Variants in PHF24 observed in about 807,000 individuals in gnomAD.
The protein encoded by PHF24 is PHD finger protein 24.
A neutral mutation model predicts 42.6 loss-of-function variants in PHF24; 25 were observed. The ratio of observed to expected loss-of-function variants is 0.59; its 90% CI spans 0.43 to 0.82. PHF24 has a LOEUF of 0.82. Ranked by LOEUF, PHF24 falls within the 40% of genes least tolerant of loss-of-function variation. The probability of loss-of-function intolerance (pLI) is 0.00; values close to 1 mark genes in which losing one functional copy is unlikely to be tolerated. For synonymous variants in PHF24, 185 were observed against 204.8 expected (o/e 0.90, Z 0.83); for missense variants, 470 against 538.1 (o/e 0.87, Z 1.25).
the PHF24 span, among the ~76,000 whole-genome samples, chr9:34,826,184 C>A: frequency 6.6e-6 from 1 of 152,296 alleles, no homozygotes; most frequent in Non-Finnish European, 1.5e-5. Flanking sequence ...CTCACTGTCT[C>A]CGGGCATGAG....
At chr9:34,764,396 G>A in the PHF24 span, among the ~76,000 whole-genome samples, 2 of 152,268 alleles carry the variant, frequency 1.3e-5, no homozygotes, top group Non-Finnish European at 1.5e-5. Flanking sequence ...GGTCTATTCA[G>A]AGAGTCAACT....
chr9:34,684,678 G>A, the PHF24 span, among the ~76,000 whole-genome samples: 2 of 152,194 alleles, frequency 1.3e-5, no homozygotes, highest in African/African-American at 2.4e-5. Flanking sequence ...GCTTCCTCTT[G>A]GGAGAGGACC....
the PHF24 span, among the ~76,000 whole-genome samples, chr9:34,797,410 C>G: frequency 2.0e-5 from 3 of 152,126 alleles, no homozygotes; most frequent in African/African-American, 7.2e-5. Context: ...CACACCGGGG[C>G]TTGGAAAATG....
At chr9:34,707,900 T>A in the PHF24 span, among the ~76,000 whole-genome samples, 1 of 151,960 alleles carries the variant, frequency 6.6e-6, no homozygotes, top group South Asian at 2.1e-4. Flanking sequence ...CCCGGCTAAT[T>A]TTTGTATTTT....
the PHF24 span, among the ~76,000 whole-genome samples, chr9:34,670,016 C>A: frequency 6.6e-6 from 1 of 152,000 alleles, no homozygotes; most frequent in African/African-American, 2.4e-5. Flanking sequence ...GTAAGGAAAT[C>A]TCAAAAAAAA....
the PHF24 span, among the ~76,000 whole-genome samples, chr9:34,893,779 G>C: frequency 1.4e-4 from 22 of 152,130 alleles, no homozygotes; most frequent in African/African-American, 5.1e-4. Flanking sequence ...GCTGAACTAG[G>C]AGAACGGAGC....
the PHF24 span, among the ~76,000 whole-genome samples, chr9:34,670,000 G>A: frequency 1.3e-5 from 2 of 152,118 alleles, no homozygotes; most frequent in African/African-American, 4.8e-5. Context: ...ATTCAATTAT[G>A]CTGATGTAAG....
the PHF24 span, among the ~76,000 whole-genome samples, chr9:34,707,472 T>C: frequency 6.6e-6 from 1 of 152,198 alleles, no homozygotes; most frequent in Non-Finnish European, 1.5e-5. Flanking sequence ...ATTAAGTTCA[T>C]TTAAGGAACA....
the PHF24 span, among the ~76,000 whole-genome samples, chr9:34,820,702 G>A: frequency 6.6e-6 from 1 of 152,232 alleles, no homozygotes; most frequent in African/African-American, 2.4e-5. Context: ...ATATTTGTGT[G>A]CATGTGTCTT....
At chr9:34,809,535 C>G in the PHF24 span, among the ~76,000 whole-genome samples, 1 of 152,202 alleles carries the variant, frequency 6.6e-6, no homozygotes, top group South Asian at 2.1e-4. This position sits in a 1 kb window ranked among gnomAD's most constrained non-coding sequence, Gnocchi z 4.1. Context: ...AAACAGTGCA[C>G]AGTCAGAGTT....
the PHF24 span, among the ~76,000 whole-genome samples, chr9:34,936,962 C>T: frequency 6.6e-6 from 1 of 150,514 alleles, no homozygotes; most frequent in African/African-American, 2.4e-5. Context: ...GCAGCCACCC[C>T]GTCCGGGAGG....
the PHF24 span, among the ~76,000 whole-genome samples, chr9:34,784,664 A>G: frequency 2.0e-5 from 3 of 152,210 alleles, no homozygotes; most frequent in Non-Finnish European, 4.4e-5. Context: ...TTTGTGCTCC[A>G]GATCTTTAAC....
chr9:34,970,920 A>G (rs1272748773), intron 1 of PHF24, among the ~76,000 whole-genome samples: 2 of 152,090 alleles, frequency 1.3e-5, no homozygotes, highest in Non-Finnish European at 1.5e-5. Context: ...CCCTCATTCC[A>G]TAGATGGGAA....
chr9:34,883,513 T>G, the PHF24 span, among the ~76,000 whole-genome samples: 1 of 152,144 alleles, frequency 6.6e-6, no homozygotes, highest in Non-Finnish European at 1.5e-5. Flanking sequence ...CAAACAAATT[T>G]ACAAGAAAAA....
At chr9:34,716,565 C>T in the PHF24 span, among the ~76,000 whole-genome samples, 10 of 148,206 alleles carry the variant, frequency 6.7e-5, no homozygotes, top group South Asian at 4.4e-4. Flanking sequence ...TTTTGTTTTG[C>T]TTTGTTTTGT....
the PHF24 span, among the ~76,000 whole-genome samples, chr9:34,921,359 A>C: frequency 6.6e-6 from 1 of 151,870 alleles, no homozygotes; most frequent in African/African-American, 2.4e-5. Context: ...CAAGTATCAA[A>C]AAAAAAAATC....
the PHF24 span, chr9:34,917,438 C>G: frequency 2.6e-6 from 2 of 768,574 alleles, no homozygotes; most frequent in Admixed American, 1.7e-5. Context: ...GTTTAAGGAC[C>G]CTTTCCGTAA....
chr9:34,715,816 C>G, the PHF24 span, among the ~76,000 whole-genome samples: 34 of 152,310 alleles, frequency 2.2e-4, no homozygotes, highest in Non-Finnish European at 4.1e-4. Context: ...GGACAGGCAC[C>G]TGGAGTAGAC....
At chr9:34,894,423 CA>C in the PHF24 span, 1 of 398,418 alleles carries the variant, frequency 2.5e-6, no homozygotes, top group South Asian at 1.3e-4. Flanking sequence ...TGGGAGACTG[CA>C]AAGAAGAAGA....
Sources: gnomAD v4.1 joint callset for allele counts (sites outside exome capture counted in the v4.1 genomes callset) on GRCh38, gnomAD v4.1.1 for gene constraint, Gnocchi (gnomAD v3.1) non-coding constraint, MANE v1.5 for transcripts, NCBI Gene and HGNC (gene_info 2026-07-23, HGNC 2026-07-21) for gene names.